Variants in POGLUT2 observed in about 807,000 individuals in gnomAD.
POGLUT2 encodes the protein protein O-glucosyltransferase 2.
POGLUT2 carries 47 observed loss-of-function variants against 57.6 expected under a neutral mutation model. That is an observed-to-expected ratio of 0.82 (90% CI 0.65 to 1.04). The LOEUF is 1.04. Among genes scored for constraint, POGLUT2 ranks in the 50% least tolerant of loss-of-function variants. The probability of loss-of-function intolerance (pLI) is 0.00; values close to 1 mark genes in which losing one functional copy is unlikely to be tolerated. For missense variants in POGLUT2, 565 were observed against 614.8 expected (o/e 0.92, Z 0.86); for synonymous variants, 200 against 218.8 (o/e 0.91, Z 0.76).
chr13:102,784,555 TA>T, intron 9 of POGLUT2, 43 bp from the exon 10 acceptor site: 1 of 1,273,812 alleles, frequency 7.9e-7, no homozygotes, highest in Non-Finnish European at 1.1e-6. Flanking sequence ...CAAGAAGTCT[TA>T]CACAAGTGAA....
At chr13:102,785,071 A>G (rs978904758) in intron 9 of POGLUT2, among the ~76,000 whole-genome samples, 2 of 152,226 alleles carry the variant, frequency 1.3e-5, no homozygotes, top group Admixed American at 6.5e-5. Context: ...GTTCACAATG[A>G]TGACGAACCA....
chr13:102,798,366 G>T, intron 1 of POGLUT2, 123 bp downstream of exon 1: 1 of 843,380 alleles, frequency 1.2e-6, no homozygotes, highest in Non-Finnish European at 1.8e-6. Flanking sequence ...AGAAAAATGG[G>T]TAACCAAATA....
chr13:102,788,934 C>A, intron 7 of POGLUT2, 78 bp downstream of exon 7: 1 of 1,238,870 alleles, frequency 8.1e-7, no homozygotes, highest in South Asian at 1.2e-5. Flanking sequence ...TGGATGCTCT[C>A]CAGGTACAAT....
At position 102,791,448 on chromosome 13, in the gene POGLUT2, A is replaced by C; in HGVS notation, c.673-18T>G. On this transcript the variant is annotated intron_variant, in intron 4 of 9. Transcript: ENST00000376004. ...ATCTTCACCTAGAAAAAACAAAACG[A>C]GGAGCTTATTCACATTTCCTGCATT... 6.4e-7 allele frequency: 1 copy of C among 1,567,950 alleles called. No individual in the cohort carries two copies. Among genetic ancestry groups the C allele is most frequent in the Non-Finnish European group, 8.6e-7 (1 of 1,164,130 alleles).
chr13:102,788,370 G>A (rs976309073), intron 7 of POGLUT2, among the ~76,000 whole-genome samples: 5 of 152,174 alleles, frequency 3.3e-5, no homozygotes, highest in African/African-American at 1.2e-4. Context: ...TGCCAGACTG[G>A]CCATCTTACA....
intron 3 of POGLUT2, 62 bp from the exon 4 acceptor site, chr13:102,793,480 A>G: frequency 7.5e-7 from 1 of 1,330,344 alleles, no homozygotes; most frequent in Non-Finnish European, 1.1e-6. Context: ...TCACTGAGGA[A>G]AAGCTTGTCA....
At chr13:102,793,442 T>G in intron 3 of POGLUT2, 24 bp from the exon 4 acceptor site, 2 of 1,473,374 alleles carry the variant, frequency 1.4e-6, no homozygotes, top group South Asian at 1.2e-5. Context: ...TACCATTTAT[T>G]ATGTTAGTCT....
At chr13:102,797,107 C>T in intron 1 of POGLUT2, 98 bp from the exon 2 acceptor site, 1 of 746,102 alleles carries the variant, frequency 1.3e-6, no homozygotes, top group Non-Finnish European at 2.3e-6. Context: ...TTCTCCTCCA[C>T]ATTCTTCCTC....
intron 9 of POGLUT2, among the ~76,000 whole-genome samples, chr13:102,784,871 C>T (rs562863071): frequency 5.9e-5 from 9 of 152,322 alleles, no homozygotes; most frequent in South Asian, 2.1e-4. Flanking sequence ...GGTACCTCCT[C>T]TCAATCACGT....
chr13:102,785,828 C>CA (rs1428167855), intron 9 of POGLUT2, among the ~76,000 whole-genome samples: 1 of 152,174 alleles, frequency 6.6e-6, no homozygotes, highest in Non-Finnish European at 1.5e-5. Context: ...AATTGGAAAA[C>CA]ATTAATAATC....
chr13:102,788,972 G>C, intron 7 of POGLUT2, 40 bp downstream of exon 7: 3 of 1,500,454 alleles, frequency 2.0e-6, no homozygotes, highest in Non-Finnish European at 2.8e-6. Context: ...ATGATATTGG[G>C]AAACAAGTGG....
chr13:102,795,554 CCCTGT>C (rs1435651728), intron 2 of POGLUT2, among the ~76,000 whole-genome samples: 1 of 152,148 alleles, frequency 6.6e-6, no homozygotes, highest in Non-Finnish European at 1.5e-5. Flanking sequence ...CAGAGCGAGA[CCCTGT>C]CTCAACAACA....
intron 2 of POGLUT2, among the ~76,000 whole-genome samples, chr13:102,794,413 G>A (rs1878297317): frequency 6.6e-6 from 1 of 152,144 alleles, no homozygotes; most frequent in African/African-American, 2.4e-5. Context: ...TGTAATACCA[G>A]CACTTTGGGA....
At position 102,786,284 on chromosome 13, in the gene POGLUT2, A is replaced by T; in HGVS notation, c.1439T>A (p.Val480Glu). 6.2e-7 allele frequency: 1 copy of T among 1,614,040 alleles called. No individual in the cohort carries two copies. The highest frequency in any genetic ancestry group is 1.1e-5 in the South Asian group (1 of 91,074). Residue 480 changes from valine (V) to glutamate (E), a missense_variant, in exon 9 of 10, where the codon GTA becomes GAA. Physicochemically the swap from Val to Glu is moderately radical, Grantham distance 121. Transcript: ENST00000376004. Reference sequence around the variant, plus strand: ...GAGGTCGTCCTCAGTCTGTGGTTCTACCCTTTTCATGCCCTCTCGGATTTG... The same window carrying T: ...GAGGTCGTCCTCAGTCTGTGGTTCTTCCCTTTTCATGCCCTCTCGGATTTG... ...EPQIREGMKRVEPQTEDDLFP... is the reference protein window; with the variant it reads ...EPQIREGMKREEPQTEDDLFP...
At position 102,789,305 on chromosome 13, in the gene POGLUT2, C is replaced by T. The variant is rs143657996; in HGVS notation, c.1084-84G>A. On this transcript the variant is annotated intron_variant, in intron 6 of 9. Coordinates refer to ENST00000376004, the MANE Select transcript of POGLUT2 (RefSeq NM_024089.3). ...TCTCCTTCCCATCCCACACATAAAC[C>T]TTTGCAATCCTCAGACACAATTTGG... The T allele has an allele frequency of 2.0e-4, 226 of 1,138,786 alleles. 1 individual carries two copies. The African/African-American group carries it at 2.9e-3, about 15-fold the overall frequency. The allele number at this position is 1,138,786 out of a possible 1,614,324, so 70.5% of individuals were successfully genotyped here.
intron 6 of POGLUT2, among the ~76,000 whole-genome samples, chr13:102,790,556 A>G (rs1308849939): frequency 6.6e-6 from 1 of 152,246 alleles, no homozygotes; most frequent in East Asian, 1.9e-4. Context: ...CTGTTGTGAT[A>G]ACATGGCTCT....
chr13:102,795,419 G>A (rs966688684), intron 2 of POGLUT2, among the ~76,000 whole-genome samples: 8 of 151,850 alleles, frequency 5.3e-5, no homozygotes, highest in African/African-American at 1.9e-4. Context: ...AAAAATTAGT[G>A]GGGCATGGTG....
chr13:102,796,314 AAATAAAT>A (rs1878386656), intron 2 of POGLUT2, among the ~76,000 whole-genome samples: 1 of 141,716 alleles, frequency 7.1e-6, no homozygotes. Context: ...AAAAAAAAAT[AAATAAAT>A]AAATAAATAA....
chr13:102,788,951 C>T, intron 7 of POGLUT2, 61 bp downstream of exon 7: 1 of 1,390,712 alleles, frequency 7.2e-7, no homozygotes, highest in South Asian at 1.2e-5. Context: ...CAATACATTT[C>T]AAAAGGACCC....
Sources: gnomAD v4.1 joint callset for allele counts (sites outside exome capture counted in the v4.1 genomes callset) on GRCh38, gnomAD v4.1.1 for gene constraint, MANE v1.5 for transcripts, NCBI Gene and HGNC (gene_info 2026-07-23, HGNC 2026-07-21) for gene names.